TRDN: variants seen among roughly 807,000 people sequenced by gnomAD.
The protein encoded by TRDN is triadin, also known as triadin in skeletal muscle.
A neutral mutation model predicts 149.7 loss-of-function variants in TRDN; 161 were observed. That is an observed-to-expected ratio of 1.08 (90% CI 0.95 to 1.23). The LOEUF (loss-of-function observed/expected upper bound fraction) is 1.23. Ranked by LOEUF, TRDN falls within the 50% of genes most tolerant of loss-of-function variation. The pLI is 0.00. For missense variants in TRDN, 896 were observed against 823.5 expected (o/e 1.09, Z -1.08); for synonymous variants, 294 against 250.5 (o/e 1.17, Z -1.64).
chr6:123,265,448 C>A (rs1776909003), intron 32 of TRDN, 110 bp from the exon 33 acceptor site: 2 of 635,286 alleles, frequency 3.1e-6, no homozygotes, highest in African/African-American at 3.8e-5. Context: ...AAAAATAAGA[C>A]TAAACTTATA....
intron 38 of TRDN, among the ~76,000 whole-genome samples, chr6:123,227,495 A>G (rs1775421417): frequency 6.6e-6 from 1 of 151,852 alleles, no homozygotes. Context: ...TGCAGTTGCA[A>G]ATGCTTAGTA....
intron 9 of TRDN, among the ~76,000 whole-genome samples, chr6:123,473,370 G>T (rs1468573592): frequency 6.6e-6 from 1 of 151,768 alleles, no homozygotes; most frequent in Admixed American, 6.6e-5. Context: ...TGAATGAAAT[G>T]AAGCGAGAAG....
chr6:123,568,783 A>C (rs1224087514), intron 2 of TRDN, among the ~76,000 whole-genome samples: 1 of 152,188 alleles, frequency 6.6e-6, no homozygotes, highest in Non-Finnish European at 1.5e-5. Flanking sequence ...TAACTCCTAG[A>C]CATCTGGGCC....
Position 123,259,672 on chromosome 6 carries a change from A to G in TRDN, c.1832-10T>C, listed in dbSNP as rs1582788952. The G allele has an allele frequency of 1.4e-6, 2 of 1,456,346 alleles. No homozygotes were observed. The highest frequency in any genetic ancestry group is 9.3e-7 in the Non-Finnish European group (1 of 1,080,452). 90.2% of individuals were successfully genotyped at this position (1,456,346 alleles called of 1,614,324 possible). On this transcript the variant is annotated splice_polypyrimidine_tract_variant and intron_variant, in intron 34 of 40. Transcript: ENST00000334268. ...TCAGTTTTCTTCTTTCCTAGGGGAA[A>G]GAAAAACAACAAGAAACCATCATTT...
At chr6:123,415,539 A>ACATGG (rs1402461738) in intron 12 of TRDN, among the ~76,000 whole-genome samples, 1 of 152,224 alleles carries the variant, frequency 6.6e-6, no homozygotes, top group Non-Finnish European at 1.5e-5. Flanking sequence ...GTTAAAACAT[A>ACATGG]GTTCTTTCTA....
At chr6:123,566,518 A>G (rs1191355566) in intron 2 of TRDN, among the ~76,000 whole-genome samples, 1 of 152,186 alleles carries the variant, frequency 6.6e-6, no homozygotes, top group Admixed American at 6.5e-5. Flanking sequence ...ACAGATTTTC[A>G]TTTCTCTATG....
chr6:123,428,593 T>C (rs1774215713), intron 12 of TRDN, among the ~76,000 whole-genome samples: 1 of 152,168 alleles, frequency 6.6e-6, no homozygotes, highest in Non-Finnish European at 1.5e-5. Flanking sequence ...CAAGATCAAG[T>C]ATCTTCAGTG....
At chr6:123,577,671 C>T (rs181296481) in intron 1 of TRDN, among the ~76,000 whole-genome samples, 64 of 152,220 alleles carry the variant, frequency 4.2e-4, no homozygotes, top group African/African-American at 1.5e-3. Flanking sequence ...TATGGGATTG[C>T]TGGGTTGAAT....
At chr6:123,221,988 G>T (rs1400621507) in intron 39 of TRDN, among the ~76,000 whole-genome samples, 4 of 151,670 alleles carry the variant, frequency 2.6e-5, no homozygotes, top group Admixed American at 6.6e-5. Context: ...CCAGTATCCT[G>T]CATTCTTCCC....
chr6:123,491,972 C>T (rs191379939), intron 9 of TRDN, among the ~76,000 whole-genome samples: 18 of 152,120 alleles, frequency 1.2e-4, no homozygotes, highest in Middle Eastern at 6.8e-3. Context: ...CTCTTCTCAG[C>T]GAGATTTAAC....
chr6:123,443,575 G>A (rs1195421193), intron 10 of TRDN, among the ~76,000 whole-genome samples: 3 of 152,094 alleles, frequency 2.0e-5, no homozygotes, highest in South Asian at 2.1e-4. Context: ...GGTGGATCAC[G>A]AGGTCAGGAG....
chr6:123,511,178 T>A (rs1406578960), intron 7 of TRDN, among the ~76,000 whole-genome samples: 1 of 152,200 alleles, frequency 6.6e-6, no homozygotes, highest in Non-Finnish European at 1.5e-5. Flanking sequence ...GATAGAGGTC[T>A]AGTTTCATTC....
intron 24 of TRDN, among the ~76,000 whole-genome samples, chr6:123,294,369 T>A (rs1356182135): frequency 6.6e-6 from 1 of 152,186 alleles, no homozygotes; most frequent in Non-Finnish European, 1.5e-5. Flanking sequence ...GGCCCTTGCT[T>A]ATTTAACCTC....
intron 1 of TRDN, among the ~76,000 whole-genome samples, chr6:123,615,965 T>G (rs1785060993): frequency 1.3e-5 from 2 of 152,316 alleles, no homozygotes; most frequent in South Asian, 4.1e-4. Flanking sequence ...TTACCCTGAT[T>G]TGATCATTAT....
intron 36 of TRDN, among the ~76,000 whole-genome samples, chr6:123,255,666 C>T (rs888968028): frequency 6.6e-6 from 1 of 152,082 alleles, no homozygotes; most frequent in African/African-American, 2.4e-5. Context: ...GGCTTACCAT[C>T]CATTGCTTCT....
intron 5 of TRDN, among the ~76,000 whole-genome samples, chr6:123,527,843 A>G (rs1780027461): frequency 6.6e-6 from 1 of 151,774 alleles, no homozygotes; most frequent in Admixed American, 6.6e-5. Context: ...ACAAGGTCAC[A>G]TACAGTATTC....
chr6:123,560,684 C>G (rs1781938639), intron 2 of TRDN, among the ~76,000 whole-genome samples: 1 of 152,198 alleles, frequency 6.6e-6, no homozygotes, highest in Non-Finnish European at 1.5e-5. Flanking sequence ...TCCTTCTCAT[C>G]TGGCCACTCT....
chr6:123,317,376 G>C (rs1779065713), intron 23 of TRDN, among the ~76,000 whole-genome samples: 1 of 151,866 alleles, frequency 6.6e-6, no homozygotes, highest in East Asian at 1.9e-4. Flanking sequence ...CTATGTATAA[G>C]GGATAATGCT....
chr6:123,577,394 C>T (rs372381488), intron 1 of TRDN, among the ~76,000 whole-genome samples: 8 of 152,090 alleles, frequency 5.3e-5, no homozygotes, highest in East Asian at 3.9e-4. Context: ...TGAGAACATG[C>T]GATATTTCAT....
Sources: allele counts gnomAD v4.1 joint callset (sites outside exome capture counted in the v4.1 genomes callset), GRCh38; gene constraint gnomAD v4.1.1; transcripts MANE v1.5; gene names NCBI Gene and HGNC (gene_info 2026-07-23, HGNC 2026-07-21).